The following SMURF1 variants were observed in gnomAD, a reference collection of about 807,000 sequenced individuals.
SMURF1 encodes SMAD specific E3 ubiquitin protein ligase 1.
SMURF1 carries 44 observed loss-of-function variants against 98.0 expected under a neutral mutation model. The ratio of observed to expected loss-of-function variants is 0.45; its 90% CI spans 0.35 to 0.58. SMURF1 has a LOEUF of 0.58. Ranked by LOEUF, SMURF1 falls within the 20% of genes least tolerant of loss-of-function variation. The pLI is 0.00. For missense variants in SMURF1, 687 were observed against 938.4 expected (o/e 0.73, Z 3.50); for synonymous variants, 396 against 374.9 (o/e 1.06, Z -0.65).
chr7:99,079,228 C>A (rs889191781), intron 1 of SMURF1, among the ~76,000 whole-genome samples: 7 of 152,218 alleles, frequency 4.6e-5, no homozygotes, highest in Non-Finnish European at 1.0e-4. Flanking sequence ...CATGCCCACC[C>A]CCCAGTGGAG....
At chr7:99,126,191 A>G (rs1477332103) in intron 1 of SMURF1, among the ~76,000 whole-genome samples, 1 of 152,218 alleles carries the variant, frequency 6.6e-6, no homozygotes, top group African/African-American at 2.4e-5. Context: ...AACAGCGAGC[A>G]TGTATGGCGT....
chr7:99,123,764 A>G (rs1797692475), intron 1 of SMURF1, among the ~76,000 whole-genome samples: 1 of 152,208 alleles, frequency 6.6e-6, no homozygotes, highest in South Asian at 2.1e-4. Context: ...ATCTAGAGAC[A>G]AAAAGGAAAA....
chr7:99,129,748 C>T (rs1455670940), intron 1 of SMURF1, among the ~76,000 whole-genome samples: 3 of 152,236 alleles, frequency 2.0e-5, no homozygotes, highest in Non-Finnish European at 4.4e-5. Context: ...TGTAAAGGCA[C>T]AGGCTGGCTC....
chr7:99,111,474 T>C (rs1244830781), intron 1 of SMURF1, among the ~76,000 whole-genome samples: 1 of 152,226 alleles, frequency 6.6e-6, no homozygotes, highest in East Asian at 1.9e-4. Context: ...ATTTTCTTTA[T>C]AAATTACCCA....
intron 1 of SMURF1, among the ~76,000 whole-genome samples, chr7:99,115,500 C>T (rs554052451): frequency 1.6e-4 from 24 of 152,024 alleles, no homozygotes; most frequent in South Asian, 1.0e-3. Flanking sequence ...GGCTGAGGTG[C>T]GGGGATCACT....
At position 99,133,374 on chromosome 7, in the gene SMURF1, T is replaced by C. The variant is rs928444533; in HGVS notation, c.55+10352A>G. Among the ~76,000 whole-genome samples the C allele has an allele frequency of 4.0e-5, 6 of 151,338 alleles. 1 individual carries two copies. The highest frequency in any genetic ancestry group is 4.0e-4 in the Admixed American group (6 of 15,186). ...CTCCCATCTCCTGTGAATCTATCAT[T>C]ACTTCAAAATTAAAAAAGAAAAAAA... On this transcript the variant is annotated intron_variant, in intron 1 of 17. Coordinates refer to ENST00000361368, the MANE Select transcript of SMURF1 (RefSeq NM_181349.3).
intron 1 of SMURF1, among the ~76,000 whole-genome samples, chr7:99,123,273 T>C (rs1307087264): frequency 1.3e-5 from 2 of 152,156 alleles, no homozygotes; most frequent in African/African-American, 2.4e-5. Flanking sequence ...CGTGGTGGCT[T>C]ACGCCTGTAA....
At chr7:99,043,583 G>A (rs928156290) in intron 11 of SMURF1, among the ~76,000 whole-genome samples, 6 of 152,210 alleles carry the variant, frequency 3.9e-5, no homozygotes, top group African/African-American at 1.4e-4. Context: ...CAGGGAGTCC[G>A]ACAGCTGAGT....
chr7:99,054,563 C>T (rs1795836380), intron 6 of SMURF1, among the ~76,000 whole-genome samples: 1 of 152,188 alleles, frequency 6.6e-6, no homozygotes, highest in Admixed American at 6.5e-5. Context: ...GCCTCGGCCT[C>T]CCAAACTGCT....
Position 99,057,457 on chromosome 7 carries a change from G to A in SMURF1, c.298C>T (p.Leu100=). The part of the protein sequence containing the change: ...QGAGFLGCVR[L]LSNAISRLKD... ...AATCTGCTGATGGCATTGGAGAGCA[G>A]CCGCACACAGCCCAGGAAGCCAGCT... Residue 100 remains leucine, a synonymous_variant, in exon 4 of 18, where the codon CTG becomes TTG. Coordinates refer to ENST00000361368, the MANE Select transcript of SMURF1 (RefSeq NM_181349.3). 1 of 1,604,140 alleles carries A rather than the reference G, an allele frequency of 6.2e-7. No individual in the cohort carries two copies.
At chr7:99,087,489 G>A (rs1026676352) in intron 1 of SMURF1, among the ~76,000 whole-genome samples, 3 of 152,106 alleles carry the variant, frequency 2.0e-5, no homozygotes, top group Non-Finnish European at 2.9e-5. Flanking sequence ...ATGTTAAGTC[G>A]GTGTTTAAAA....
rs77322189 is a variant in SMURF1, at chr7:99,109,681, A to T, written c.55+34045T>A. Reference sequence around the variant, plus strand: ...CCAATCCTCATATTCAATCTCTTCCATCTGAAATGCCTGGAGTAGTTTGTT... The same window carrying T: ...CCAATCCTCATATTCAATCTCTTCCTTCTGAAATGCCTGGAGTAGTTTGTT... On this transcript the variant is annotated intron_variant, in intron 1 of 17. Coordinates refer to ENST00000361368, the MANE Select transcript of SMURF1 (RefSeq NM_181349.3). 9.8e-3 allele frequency among the ~76,000 whole-genome samples: 1,496 copies of T among 152,290 alleles called. 22 individuals are homozygous for T. The highest frequency in any genetic ancestry group is 0.034 in the African/African-American group (1,397 of 41,554).
intron 15 of SMURF1, chr7:99,036,381 G>A (rs755743379): frequency 1.3e-5 from 2 of 154,866 alleles, no homozygotes; most frequent in Non-Finnish European, 2.9e-5. Context: ...GGGAGGCGGA[G>A]GTGGGAGGAT....
At chr7:99,104,686 G>A (rs540858777) in intron 1 of SMURF1, among the ~76,000 whole-genome samples, 64 of 152,232 alleles carry the variant, frequency 4.2e-4, no homozygotes, top group Middle Eastern at 3.4e-3. Context: ...TCCGATACAT[G>A]GCTGTTCCAT....
chr7:99,083,303 A>G (rs1413338767), intron 1 of SMURF1, among the ~76,000 whole-genome samples: 1 of 152,192 alleles, frequency 6.6e-6, no homozygotes, highest in Non-Finnish European at 1.5e-5. Context: ...GTACTGTTCC[A>G]TTTACCTCCG....
chr7:99,085,149 G>A (rs1021299213), intron 1 of SMURF1, among the ~76,000 whole-genome samples: 10 of 151,784 alleles, frequency 6.6e-5, no homozygotes, highest in South Asian at 6.2e-4. Flanking sequence ...TCAGGAGTTC[G>A]AGACCAGCCT....
chr7:99,122,643 CAAAA>C (rs200590592), intron 1 of SMURF1, among the ~76,000 whole-genome samples: 1 of 120,018 alleles, frequency 8.3e-6, no homozygotes, highest in South Asian at 2.4e-4. Context: ...GATTCCGTGT[CAAAA>C]AAAAAAAAAA....
intron 1 of SMURF1, among the ~76,000 whole-genome samples, chr7:99,121,372 A>C (rs1174701817): frequency 6.6e-6 from 1 of 152,184 alleles, no homozygotes; most frequent in East Asian, 1.9e-4. Flanking sequence ...CCATTCCCAA[A>C]ATAAAATTAA....
intron 16 of SMURF1, among the ~76,000 whole-genome samples, chr7:99,035,093 C>G (rs903574653): frequency 1.1e-4 from 17 of 152,252 alleles, no homozygotes; most frequent in Admixed American, 6.5e-5. Context: ...AGCAGGACAT[C>G]ATCTTTCGGT....
Sources: allele counts gnomAD v4.1 joint callset (sites outside exome capture counted in the v4.1 genomes callset), GRCh38; gene constraint gnomAD v4.1.1; transcripts MANE v1.5; gene names NCBI Gene and HGNC (gene_info 2026-07-23, HGNC 2026-07-21).